Variants in GUCY1A2 observed in about 807,000 individuals in gnomAD.
GUCY1A2 encodes the protein guanylate cyclase 1 soluble subunit alpha 2.
A neutral mutation model predicts 63.5 loss-of-function variants in GUCY1A2; 27 were observed. That is an observed-to-expected ratio of 0.43 (90% CI 0.31 to 0.59). The LOEUF (loss-of-function observed/expected upper bound fraction) is 0.59, where lower values mean the gene tolerates loss of function less well. Ranked by LOEUF, GUCY1A2 falls within the 20% of genes least tolerant of loss-of-function variation. GUCY1A2 has a pLI of 0.11. For synonymous variants in GUCY1A2, 364 were observed against 343.5 expected, an observed-to-expected ratio of 1.06 and a Z score of -0.66; for missense variants, 768 against 913.3, an observed-to-expected ratio of 0.84 and a Z score of 2.05.
intron 4 of GUCY1A2, among the ~76,000 whole-genome samples, chr11:106,860,539 T>C (rs1859497000): frequency 6.6e-6 from 1 of 151,994 alleles, no homozygotes; most frequent in Non-Finnish European, 1.5e-5. Context: ...TATTTTACCA[T>C]ATTGTATCTA....
At chr11:106,757,747 T>C (rs924869537) in intron 6 of GUCY1A2, among the ~76,000 whole-genome samples, 50 of 152,142 alleles carry the variant, frequency 3.3e-4, no homozygotes, top group African/African-American at 1.2e-3. Context: ...GGGGCACCCA[T>C]GAGATGCCAG....
At position 106,940,563 on chromosome 11, in the gene GUCY1A2, T is replaced by C. The variant is rs551190993; in HGVS notation, c.488-385A>G. 4.6e-5 allele frequency among the ~76,000 whole-genome samples: 7 copies of C among 152,292 alleles called. No homozygotes were observed. The East Asian group carries it at 1.4e-3, about 29-fold the overall frequency. ...CACCAGAGTGGTACATTTATTACAA[T>C]CCATGAACCTACATGATGCATTATT... On this transcript the variant is annotated intron_variant, in intron 3 of 7. Coordinates refer to ENST00000526355, the MANE Select transcript of GUCY1A2 (RefSeq NM_000855.3).
intron 6 of GUCY1A2, among the ~76,000 whole-genome samples, chr11:106,772,038 G>C (rs1864266972): frequency 6.6e-6 from 1 of 151,942 alleles, no homozygotes; most frequent in African/African-American, 2.4e-5. Context: ...TAATTTACTT[G>C]AGTATTTATA....
intron 4 of GUCY1A2, among the ~76,000 whole-genome samples, chr11:106,860,209 TCTG>T (rs539677791): frequency 1.6e-4 from 25 of 152,010 alleles, no homozygotes; most frequent in African/African-American, 5.8e-4. Context: ...CACACAGTGC[TCTG>T]CTGTTTTCCA....
chr11:106,689,659 A>G (rs1012738141), intron 7 of GUCY1A2, among the ~76,000 whole-genome samples: 1 of 152,180 alleles, frequency 6.6e-6, no homozygotes, highest in African/African-American at 2.4e-5. Flanking sequence ...CAAAACCACA[A>G]TAAGATACCA....
At chr11:106,755,769 A>G (rs766049117) in intron 6 of GUCY1A2, among the ~76,000 whole-genome samples, 1 of 152,090 alleles carries the variant, frequency 6.6e-6, no homozygotes, top group African/African-American at 2.4e-5. Flanking sequence ...ACTTCCAGTT[A>G]TGTGGTCAAT....
intron 3 of GUCY1A2, among the ~76,000 whole-genome samples, chr11:106,953,256 C>A (rs1043824275): frequency 1.3e-5 from 2 of 152,102 alleles, no homozygotes; most frequent in African/African-American, 4.8e-5. Flanking sequence ...TTATCAAAGG[C>A]CTTTTCTGAA....
At position 106,992,505 on chromosome 11, in the gene GUCY1A2, T is replaced by C. The variant is rs112656053; in HGVS notation, c.304-6374A>G. ...CCTCCATGCCCGGCTAATTTTTTTG[T>C]ATTTTTAGTACAGACGGGGTTTCAC... On this transcript the variant is annotated intron_variant, in intron 1 of 7. Coordinates refer to ENST00000526355, the MANE Select transcript of GUCY1A2 (RefSeq NM_000855.3). Among the ~76,000 whole-genome samples the C allele has an allele frequency of 3.3e-3, 502 of 151,904 alleles. 3 individuals are homozygous for C. Among genetic ancestry groups the C allele is most frequent in the African/African-American group, 0.012 (482 of 41,432 alleles).
intron 7 of GUCY1A2, among the ~76,000 whole-genome samples, chr11:106,698,395 T>C (rs1862760046): frequency 6.6e-6 from 1 of 151,914 alleles, no homozygotes; most frequent in Non-Finnish European, 1.5e-5. Flanking sequence ...ATGCTAGGAT[T>C]GCAGGCATGA....
chr11:106,824,979 T>A, intron 4 of GUCY1A2: 1 of 1,611,978 alleles, frequency 6.2e-7, no homozygotes, highest in South Asian at 1.1e-5. Context: ...CTAAATTTTC[T>A]AATTAAAGAT....
intron 4 of GUCY1A2, among the ~76,000 whole-genome samples, chr11:106,891,704 T>C (rs1371966114): frequency 1.3e-5 from 2 of 152,120 alleles, no homozygotes; most frequent in African/African-American, 2.4e-5. Context: ...TTTGGTGCCT[T>C]TGTCAAAAAT....
At chr11:106,729,668 T>G (rs1863466532) in intron 6 of GUCY1A2, among the ~76,000 whole-genome samples, 1 of 152,048 alleles carries the variant, frequency 6.6e-6, no homozygotes, top group South Asian at 2.1e-4. Context: ...AATGACAAAA[T>G]AGCTGTTTTT....
chr11:106,702,018 T>C (rs576578338), intron 7 of GUCY1A2, among the ~76,000 whole-genome samples: 317 of 152,166 alleles, frequency 2.1e-3, no homozygotes, highest in African/African-American at 7.3e-3. Context: ...GGCTTTAGAG[T>C]AGGGCAGCTA....
intron 4 of GUCY1A2, among the ~76,000 whole-genome samples, chr11:106,919,162 A>C (rs1038155081): frequency 7.9e-5 from 12 of 152,154 alleles, no homozygotes; most frequent in African/African-American, 2.9e-4. Flanking sequence ...ATATATTGTT[A>C]TGTTTGCTCA....
intron 4 of GUCY1A2, among the ~76,000 whole-genome samples, chr11:106,928,729 C>T (rs1267328264): frequency 6.6e-6 from 1 of 152,156 alleles, no homozygotes; most frequent in Non-Finnish European, 1.5e-5. Context: ...GGCTGCAAAT[C>T]TATACAGTAT....
At chr11:106,831,705 C>T (rs1270799008) in intron 4 of GUCY1A2, among the ~76,000 whole-genome samples, 2 of 152,204 alleles carry the variant, frequency 1.3e-5, no homozygotes, top group Non-Finnish European at 2.9e-5. Context: ...TCTCTCGCAG[C>T]AGGGCTGCTC....
chr11:106,915,811 T>A (rs1458690972), intron 4 of GUCY1A2, among the ~76,000 whole-genome samples: 1 of 145,150 alleles, frequency 6.9e-6, no homozygotes, highest in African/African-American at 2.4e-5. Flanking sequence ...TAACTGCTTG[T>A]TGGAAAGGCA....
chr11:106,684,238 C>T lies in GUCY1A2; in HGVS notation c.*3311G>A, dbSNP rs1451559115. On this transcript the variant is annotated 3_prime_UTR_variant, in exon 8 of 8. Coordinates refer to ENST00000526355, the MANE Select transcript of GUCY1A2 (RefSeq NM_000855.3). ...CAGGCATCAATGTCTGTCTCAGAGT[C>T]CCAGATCAAAGCTCACTTGATTCCA... is the stretch of plus-strand genomic sequence containing the variant. 5.4e-6 allele frequency: 1 copy of T among 184,122 alleles called. No homozygotes were observed. The highest frequency in any genetic ancestry group is 1.2e-5 in the Non-Finnish European group (1 of 86,712). The allele number at this position is 184,122 out of a possible 1,614,324, so 11.4% of individuals were successfully genotyped here.
chr11:106,907,172 G>A (rs1860221449), intron 4 of GUCY1A2, among the ~76,000 whole-genome samples: 1 of 152,050 alleles, frequency 6.6e-6, no homozygotes, highest in Non-Finnish European at 1.5e-5. Context: ...AAGAACTGTT[G>A]TTTCCAAGCA....
Sources: gnomAD v4.1 joint callset for allele counts (sites outside exome capture counted in the v4.1 genomes callset) on GRCh38, gnomAD v4.1.1 for gene constraint, MANE v1.5 for transcripts, NCBI Gene and HGNC (gene_info 2026-07-23, HGNC 2026-07-21) for gene names.